The following CCNL1 variants were observed in gnomAD, a reference collection of about 807,000 sequenced individuals.
The protein encoded by CCNL1 is cyclin-L1.
Under a neutral mutation model 60.6 loss-of-function variants are expected in CCNL1, and 13 were observed. That is an observed-to-expected ratio of 0.21 (90% confidence interval 0.14 to 0.34). The LOEUF is 0.34. CCNL1 is among the 10% of genes least tolerant of loss of function. CCNL1 has a pLI of 1.00. For missense variants in CCNL1, 481 were observed against 664.3 expected, an observed-to-expected ratio of 0.72 and a Z score of 3.03; for synonymous variants, 270 against 244.3, an observed-to-expected ratio of 1.10 and a Z score of -0.98.
intron 4 of CCNL1, 82 bp downstream of exon 4, chr3:157,152,950 CAGAT>C (rs1738309910): frequency 1.3e-6 from 2 of 1,562,452 alleles, no homozygotes; most frequent in East Asian, 2.4e-5. Flanking sequence ...GGTTAACACT[CAGAT>C]AGAAACATAA....
intron 5 of CCNL1, chr3:157,151,727 A>G (rs1303837476): frequency 3.0e-6 from 3 of 1,008,924 alleles, no homozygotes; most frequent in Non-Finnish European, 3.6e-6. Context: ...TCAAATAGTT[A>G]CTTCTAGAAG....
chr3:157,150,698 A>T, intron 5 of CCNL1: 1 of 1,052,200 alleles, frequency 9.5e-7, no homozygotes, highest in South Asian at 3.6e-5. Flanking sequence ...GTCAATTCTG[A>T]CACGATTAGT....
Position 157,152,884 on chromosome 3 carries a change from A to T in CCNL1, c.609+152T>A. On this transcript the variant is annotated intron_variant, in intron 4 of 10. Coordinates refer to ENST00000295926, the MANE Select transcript of CCNL1 (RefSeq NM_020307.4). ...ATTTTACTGATAAATCTCAACATCC[A>T]AAAGAATGTTTTTCGATGAAGCCTG... 9 of 1,403,182 alleles carry T rather than the reference A, an allele frequency of 6.4e-6. No homozygotes were observed. In the South Asian group the frequency reaches 9.8e-5, roughly 15 times the overall value. 86.9% of individuals were successfully genotyped at this position (1,403,182 alleles called of 1,614,324 possible).
At chr3:157,155,388 A>C (rs1444601266) in intron 3 of CCNL1, among the ~76,000 whole-genome samples, 2 of 152,150 alleles carry the variant, frequency 1.3e-5, no homozygotes, top group Admixed American at 6.5e-5. Context: ...TTAGTCCCAA[A>C]TCAGACTTAA....
chr3:157,149,427 T>C (rs1738001054), intron 9 of CCNL1, 42 bp from the exon 10 acceptor site: 3 of 1,609,026 alleles, frequency 1.9e-6, no homozygotes, highest in Non-Finnish European at 2.6e-6. Context: ...CTTAGTGTGT[T>C]AAAAAGTAAA....
chr3:157,159,488 AAG>A lies in CCNL1; in HGVS notation c.304-11_304-10del. 2.2e-6 allele frequency: 2 copies of A among 914,138 alleles called. No individual in the cohort carries two copies. Among genetic ancestry groups the A allele is most frequent in the Non-Finnish European group, 3.0e-6 (2 of 658,464 alleles). The allele number at this position is 914,138 out of a possible 1,614,324, so 56.6% of individuals were successfully genotyped here. Reference sequence around the variant, plus strand: ...CCCGTTGCCATCGCCACCTGCAGACAAGAGAGGAGAACGGAAGCGCAGGGGTC... The same window carrying A: ...CCCGTTGCCATCGCCACCTGCAGACAAGAGGAGAACGGAAGCGCAGGGGTC... On this transcript the variant is annotated splice_polypyrimidine_tract_variant and intron_variant, in intron 1 of 10. Coordinates refer to ENST00000295926, the MANE Select transcript of CCNL1 (RefSeq NM_020307.4).
intron 2 of CCNL1, 135 bp from the exon 3 acceptor site, chr3:157,159,110 C>G (rs1041443908): frequency 1.5e-6 from 1 of 656,582 alleles, no homozygotes; most frequent in East Asian, 2.7e-5. Context: ...ACCAGCTATG[C>G]TAGTACTATA....
intron 9 of CCNL1, 43 bp downstream of exon 9, chr3:157,149,442 T>TA: frequency 6.2e-7 from 1 of 1,606,618 alleles, no homozygotes; most frequent in Non-Finnish European, 8.5e-7. Context: ...AGTAAACACA[T>TA]AAAAGATTCC....
At chr3:157,144,121 A>G (rs1257824330), downstream of CCNL1, among the ~76,000 whole-genome samples, 1 of 152,216 alleles carries the variant, frequency 6.6e-6, no homozygotes, top group Non-Finnish European at 1.5e-5. Context: ...TTGAACATAG[A>G]TGGCAAAAGC....
chr3:157,157,802 T>C (rs1389843818), intron 3 of CCNL1, among the ~76,000 whole-genome samples: 1 of 152,236 alleles, frequency 6.6e-6, no homozygotes, highest in Non-Finnish European at 1.5e-5. Flanking sequence ...ACTCACAGAA[T>C]AGACTAGTCA....
At chr3:157,152,778 AC>A in intron 4 of CCNL1, 1 of 1,206,200 alleles carries the variant, frequency 8.3e-7, no homozygotes, top group Non-Finnish European at 1.0e-6. Context: ...AAAAACTGGG[AC>A]TTTAACCACA....
rs73012149 is a variant in CCNL1, at chr3:157,159,510, G to A, written c.304-31C>T. 4.5e-3 allele frequency: 7,089 copies of A among 1,589,258 alleles called. 274 individuals are homozygous for A. The African/African-American group carries it at 0.083, about 19-fold the overall frequency. ...GACAAGAGAGGAGAACGGAAGCGCAGGGGTCAGGCGGGCCCGCTCCAGGCG... is the reference window on the plus strand; with the variant it reads ...GACAAGAGAGGAGAACGGAAGCGCAAGGGTCAGGCGGGCCCGCTCCAGGCG... On this transcript the variant is annotated intron_variant, in intron 1 of 10. Transcript: ENST00000295926.
At chr3:157,157,233 T>C (rs1376395077) in intron 3 of CCNL1, 1 of 679,740 alleles carries the variant, frequency 1.5e-6, no homozygotes, top group African/African-American at 1.9e-5. Context: ...TTTTAAATTT[T>C]GCTATAATCA....
chr3:157,150,437 T>C, intron 5 of CCNL1, 56 bp from the exon 6 acceptor site: 1 of 1,568,444 alleles, frequency 6.4e-7, no homozygotes, highest in Non-Finnish European at 8.7e-7. Flanking sequence ...CTTCTGAAGC[T>C]TACATAAAAT....
intron 3 of CCNL1, among the ~76,000 whole-genome samples, chr3:157,155,610 A>G (rs1738554814): frequency 6.6e-6 from 1 of 152,182 alleles, no homozygotes; most frequent in South Asian, 2.1e-4. Context: ...CTACCTCACA[A>G]ATCAACGGTG....
At chr3:157,157,333 ATTATT>A (rs1178452403) in intron 3 of CCNL1, among the ~76,000 whole-genome samples, 4 of 152,248 alleles carry the variant, frequency 2.6e-5, no homozygotes, top group Non-Finnish European at 5.9e-5. Context: ...GTGAGATTAT[ATTATT>A]TTAAATTCCA....
At chr3:157,145,811 GCA>G (rs1396674368), downstream of CCNL1, among the ~76,000 whole-genome samples, 2 of 152,138 alleles carry the variant, frequency 1.3e-5, no homozygotes, top group East Asian at 1.9e-4. Context: ...TTCAGTGACA[GCA>G]CAGAGTTACA....
At chr3:157,144,653 C>T (rs1427650775), downstream of CCNL1, among the ~76,000 whole-genome samples, 2 of 152,258 alleles carry the variant, frequency 1.3e-5, no homozygotes, top group East Asian at 1.9e-4. Context: ...AACGCTGCTC[C>T]GTTCCTATTT....
downstream of CCNL1, among the ~76,000 whole-genome samples, chr3:157,145,615 C>T (rs1577065351): frequency 6.6e-6 from 1 of 152,060 alleles, no homozygotes; most frequent in African/African-American, 2.4e-5. Flanking sequence ...GAGGTACAAG[C>T]ACCAATGGAT....
Sources: gnomAD v4.1 joint callset for allele counts (sites outside exome capture counted in the v4.1 genomes callset) on GRCh38, gnomAD v4.1.1 for gene constraint, MANE v1.5 for transcripts, NCBI Gene and HGNC (gene_info 2026-07-23, HGNC 2026-07-21) for gene names.